AOAH: variants seen among roughly 807,000 people sequenced by gnomAD.
The protein encoded by AOAH is acyloxyacyl hydrolase.
AOAH carries 64 observed loss-of-function variants against 92.2 expected under a neutral mutation model. The observed-to-expected ratio is 0.69, with a 90% CI of 0.57 to 0.86. The LOEUF is 0.86. AOAH is among the 40% of genes least tolerant of loss of function. AOAH has a pLI of 0.00. For missense variants in AOAH, 656 were observed against 694.6 expected (o/e 0.94, Z 0.62); for synonymous variants, 263 against 254.5 (o/e 1.03, Z -0.32).
At chr7:36,592,502 C>G (rs1312444685) in intron 12 of AOAH, among the ~76,000 whole-genome samples, 1 of 152,212 alleles carries the variant, frequency 6.6e-6, no homozygotes, top group African/African-American at 2.4e-5. Context: ...TAGCTATGCT[C>G]TCACACAGAG....
At chr7:36,652,080 A>G (rs932249080) in intron 4 of AOAH, among the ~76,000 whole-genome samples, 1 of 152,222 alleles carries the variant, frequency 6.6e-6, no homozygotes, top group African/African-American at 2.4e-5. Context: ...ATTTTCCAGT[A>G]AAAGGAACCA....
chr7:36,632,040 T>A lies in AOAH; in HGVS notation c.517A>T (p.Lys173Ter). 2 of 1,611,442 alleles carry A rather than the reference T, an allele frequency of 1.2e-6. No individual in the cohort carries two copies. The highest frequency in any genetic ancestry group is 1.7e-6 in the Non-Finnish European group (2 of 1,178,388). ...AGGTAGAAATTGTATACATACAATT[T>A]AATTTTCTGGCAGATCTTGGCCAAA... Reference protein sequence around the residue: ...PVLAKICQKIKLAMEQSVPFK... With the variant: ...PVLAKICQKI Residue 173 changes from lysine (K) to a stop codon, truncating the protein, a stop_gained, in exon 6 of 21, where the codon AAA (lysine) becomes TAA (stop). Coordinates refer to ENST00000617537, the MANE Select transcript of AOAH (RefSeq NM_001637.4). LOFTEE classifies it high-confidence loss of function.
intron 20 of AOAH, among the ~76,000 whole-genome samples, chr7:36,517,053 G>C (rs1383729385): frequency 6.6e-6 from 1 of 152,206 alleles, no homozygotes; most frequent in African/African-American, 2.4e-5. Context: ...TATTTACTGA[G>C]CATCTACTAT....
intron 2 of AOAH, among the ~76,000 whole-genome samples, chr7:36,681,746 A>G (rs963809682): frequency 3.3e-5 from 5 of 152,190 alleles, no homozygotes; most frequent in Non-Finnish European, 1.5e-5. Context: ...GGTTGCAGTG[A>G]GCCGAGATTG....
At chr7:36,635,503 G>A (rs1038373762) in intron 5 of AOAH, among the ~76,000 whole-genome samples, 21 of 152,062 alleles carry the variant, frequency 1.4e-4, no homozygotes, top group Non-Finnish European at 2.9e-5. Context: ...ATATTACCTG[G>A]GTTTAATTGG....
intron 1 of AOAH, among the ~76,000 whole-genome samples, chr7:36,699,397 G>A (rs185107170): frequency 6.6e-6 from 1 of 152,164 alleles, no homozygotes; most frequent in East Asian, 1.9e-4. Flanking sequence ...TTTCCACAGT[G>A]GCTGAACTAA....
chr7:36,634,765 T>TAAC (rs1554301271), intron 5 of AOAH, among the ~76,000 whole-genome samples: 1 of 152,234 alleles, frequency 6.6e-6, no homozygotes, highest in African/African-American at 2.4e-5. Flanking sequence ...CTAATTCTCC[T>TAAC]AACAACAGTC....
chr7:36,596,273 C>A (rs1217281279), intron 11 of AOAH, among the ~76,000 whole-genome samples: 1 of 147,654 alleles, frequency 6.8e-6, no homozygotes, highest in East Asian at 2.1e-4. Flanking sequence ...TACCATAAAT[C>A]TTTAAACTGG....
intron 7 of AOAH, 82 bp from the exon 8 acceptor site, chr7:36,621,862 T>C (rs1792306712): frequency 1.7e-6 from 2 of 1,210,398 alleles, no homozygotes; most frequent in African/African-American, 3.0e-5. Flanking sequence ...GTTGTCTGAA[T>C]GGCATTGACA....
intron 4 of AOAH, among the ~76,000 whole-genome samples, chr7:36,647,959 C>G (rs1177580851): frequency 6.6e-6 from 1 of 151,866 alleles, no homozygotes; most frequent in Non-Finnish European, 1.5e-5. Context: ...GCCTCCCGAG[C>G]AGCTGGGACT....
rs1403686218 is a variant in AOAH, at chr7:36,516,597, A to G, written c.1600-3217T>C. ...CCAGTGCTCCAGGGAGGGCCGGATCATCTCTCACACAAAGTGATCAGGACC... is the reference window on the plus strand; with the variant it reads ...CCAGTGCTCCAGGGAGGGCCGGATCGTCTCTCACACAAAGTGATCAGGACC... On this transcript the variant is annotated intron_variant, in intron 20 of 20. Transcript: ENST00000617537. This position sits in a 1 kb window ranked among gnomAD's most constrained non-coding sequence, Gnocchi z 5.0. 2.0e-5 allele frequency among the ~76,000 whole-genome samples: 3 copies of G among 152,194 alleles called. No individual in the cohort carries two copies. Among genetic ancestry groups the G allele is most frequent in the African/African-American group, 7.2e-5 (3 of 41,452 alleles).
chr7:36,528,836 G>A (rs1784532356), intron 19 of AOAH, among the ~76,000 whole-genome samples: 1 of 152,152 alleles, frequency 6.6e-6, no homozygotes, highest in African/African-American at 2.4e-5. Context: ...TCCTGGACTT[G>A]AGCGATCCTC....
In AOAH at chr7:36,623,251, C is replaced by A; in HGVS notation, c.522-1G>T. On this transcript the variant is annotated splice_acceptor_variant, in intron 6 of 20. Transcript: ENST00000617537. LOFTEE classifies it high-confidence loss of function. ...GAATGGCACAGACTGTTCCATAGCTCTAGGAAAAAGAAAACAAAACAATCG... is the reference window on the plus strand; with the variant it reads ...GAATGGCACAGACTGTTCCATAGCTATAGGAAAAAGAAAACAAAACAATCG... The A allele has an allele frequency of 6.2e-7, 1 of 1,613,078 alleles. No individual in the cohort carries two copies.
In AOAH at chr7:36,614,345, A is replaced by G. The variant is rs1386072182; in HGVS notation, c.846+2035T>C. Among the ~76,000 whole-genome samples, 1 of 152,176 alleles carries G rather than the reference A, an allele frequency of 6.6e-6. No individual in the cohort carries two copies. Among genetic ancestry groups the G allele is most frequent in the Non-Finnish European group, 1.5e-5 (1 of 68,032 alleles). On this transcript the variant is annotated intron_variant, in intron 11 of 20. Coordinates refer to ENST00000617537, the MANE Select transcript of AOAH (RefSeq NM_001637.4). This position sits in a 1 kb window ranked among gnomAD's most constrained non-coding sequence, Gnocchi z 4.2. ...CCGGGCAGGGCTTTATGTGTGTGCA[A>G]CCAGTGGGTCCCATGAGGTCCTTCG...
chr7:36,674,290 C>CT (rs36070746), intron 2 of AOAH, among the ~76,000 whole-genome samples: 29 of 152,014 alleles, frequency 1.9e-4, no homozygotes, highest in African/African-American at 5.1e-4. Flanking sequence ...TTCTTTCTTT[C>CT]TTTTTTTTCT....
chr7:36,647,748 A>C (rs745594452), intron 4 of AOAH, among the ~76,000 whole-genome samples: 1 of 152,188 alleles, frequency 6.6e-6, no homozygotes, highest in Non-Finnish European at 1.5e-5. Context: ...CTCTGGCAAG[A>C]TCATGTGAAA....
At chr7:36,594,257 A>G (rs996646994) in intron 12 of AOAH, 82 bp downstream of exon 12, 1 of 1,117,228 alleles carries the variant, frequency 9.0e-7, no homozygotes, top group Non-Finnish European at 1.4e-6. Context: ...TCGCATTTCA[A>G]CATCTTGGTA....
chr7:36,609,172 C>A (rs1374660884), intron 11 of AOAH, among the ~76,000 whole-genome samples: 1 of 152,186 alleles, frequency 6.6e-6, no homozygotes, highest in Admixed American at 6.5e-5. Flanking sequence ...GCATCGTCCA[C>A]TCTTGATTCC....
chr7:36,522,172 T>G, intron 19 of AOAH, 57 bp from the exon 20 acceptor site: 1 of 1,557,890 alleles, frequency 6.4e-7, no homozygotes. Context: ...ACGGCCAATA[T>G]CCAAGGACAA....
Sources: gnomAD v4.1 joint callset for allele counts (sites outside exome capture counted in the v4.1 genomes callset) on GRCh38, gnomAD v4.1.1 for gene constraint, Gnocchi (gnomAD v3.1) non-coding constraint, MANE v1.5 for transcripts, NCBI Gene and HGNC (gene_info 2026-07-23, HGNC 2026-07-21) for gene names.